The following SLC12A1 variants were observed in gnomAD, a reference collection of about 807,000 sequenced individuals.
SLC12A1 encodes solute carrier family 12 member 1, also known as Na-K-2Cl cotransporter.
A neutral mutation model predicts 130.4 loss-of-function variants in SLC12A1; 89 were observed. That is an observed-to-expected ratio of 0.68 (90% CI 0.58 to 0.81). The LOEUF (loss-of-function observed/expected upper bound fraction) is 0.81. Ranked by LOEUF, SLC12A1 falls within the 40% of genes least tolerant of loss-of-function variation. SLC12A1 has a pLI of 0.00. For missense variants in SLC12A1, 1,310 were observed against 1,336.4 expected (o/e 0.98, Z 0.31); for synonymous variants, 499 against 460.0 (o/e 1.08, Z -1.09).
In SLC12A1 at chr15:48,288,095, A is replaced by G. The variant is rs1168221076; in HGVS notation, c.2682A>G (p.Lys894=). ...TGCATGTGGGAGAGTTCAACCAGAA[A>G]CTGGTGGAAGCCAGCACTCAATTTA... ...QSMHVGEFNQ[K]LVEASTQFKK... The change falls in exon 22 of 27, where the codon AAA becomes AAG. Residue 894 remains lysine (K), a synonymous_variant. Transcript: ENST00000380993. 5 of 1,611,232 alleles carry G rather than the reference A, an allele frequency of 3.1e-6. No individual in the cohort carries two copies. The highest frequency in any genetic ancestry group is 4.2e-6 in the Non-Finnish European group (5 of 1,178,672).
intron 4 of SLC12A1, 32 bp downstream of exon 4, chr15:48,221,028 C>A: frequency 6.3e-7 from 1 of 1,578,702 alleles, no homozygotes; most frequent in Non-Finnish European, 8.7e-7. Context: ...AATAATTTTG[C>A]ATGTAAATCA....
rs536608578 is a variant in SLC12A1, at chr15:48,235,138, T to C, written c.1215+134T>C. 74 of 982,904 alleles carry C rather than the reference T, an allele frequency of 7.5e-5. No homozygotes were observed. The South Asian group carries it at 9.4e-4, about 13-fold the overall frequency. The allele number at this position is 982,904 out of a possible 1,614,324, so 60.9% of individuals were successfully genotyped here. A position where few individuals can be genotyped will look rare whatever the true frequency, so the allele number is the denominator to read the frequency against. The stretch of plus-strand genomic sequence containing the variant: ...TGTAGGTTTCTGCAAGATTTCCTGA[T>C]GATTTAAAAGTTCTCTCTTTTAATG... On this transcript the variant is annotated intron_variant, in intron 9 of 26. Transcript: ENST00000380993.
At chr15:48,214,519 T>C (rs1404925714) in intron 2 of SLC12A1, among the ~76,000 whole-genome samples, 5 of 152,186 alleles carry the variant, frequency 3.3e-5, no homozygotes, top group African/African-American at 9.6e-5. Context: ...ATTGTGACCA[T>C]TGGTAGTGAT....
intron 17 of SLC12A1, among the ~76,000 whole-genome samples, chr15:48,262,537 G>T (rs996289663): frequency 1.3e-5 from 2 of 152,038 alleles, no homozygotes; most frequent in East Asian, 1.9e-4. Context: ...AACACTCTCC[G>T]CAGGCCTCTT....
At chr15:48,219,394 A>G (rs954868121) in intron 2 of SLC12A1, among the ~76,000 whole-genome samples, 1 of 152,118 alleles carries the variant, frequency 6.6e-6, no homozygotes, top group Admixed American at 6.5e-5. Context: ...CGTCTCTACT[A>G]AAAATACAAA....
At chr15:48,226,826 T>C in intron 5 of SLC12A1, 1 of 587,324 alleles carries the variant, frequency 1.7e-6, no homozygotes. Context: ...AGGTAAACTT[T>C]TTCTTTTTCA....
chr15:48,210,015 A>G (rs1434525783), intron 2 of SLC12A1, among the ~76,000 whole-genome samples: 1 of 152,214 alleles, frequency 6.6e-6, no homozygotes, highest in South Asian at 2.1e-4. Flanking sequence ...GCCCCCATGA[A>G]GAATTTTGAG....
intron 7 of SLC12A1, among the ~76,000 whole-genome samples, 185 bp downstream of exon 7, chr15:48,230,688 G>C (rs569012412): frequency 9.2e-5 from 14 of 152,310 alleles, no homozygotes; most frequent in African/African-American, 3.4e-4. Flanking sequence ...CATGATTCAG[G>C]GCTCACGAGT....
intron 9 of SLC12A1, chr15:48,235,434 C>T (rs2041429113): frequency 4.1e-6 from 1 of 243,334 alleles, no homozygotes; most frequent in African/African-American, 2.3e-5. Context: ...CTGCAAAGAG[C>T]ATGGTATGAG....
At chr15:48,284,427 C>T (rs1475239470) in intron 20 of SLC12A1, among the ~76,000 whole-genome samples, 1 of 152,184 alleles carries the variant, frequency 6.6e-6, no homozygotes, top group Non-Finnish European at 1.5e-5. Flanking sequence ...ATCTGACCCA[C>T]TAGCTTAGGT....
rs373897965 is a variant in SLC12A1 at position 48,299,163 on chromosome 15, T to C, written c.2984T>C (p.Ile995Thr). The C allele has an allele frequency of 1.2e-6, 2 of 1,605,240 alleles. No individual in the cohort carries two copies. Among genetic ancestry groups the C allele is most frequent in the South Asian group, 1.1e-5 (1 of 88,294 alleles). Residue 995 changes from isoleucine (I) to threonine (T), a missense_variant, in exon 25 of 27, where the codon ATT becomes ACT. Transcript: ENST00000380993. ...AGCTGGAAAGTCTTTGAAGAGATGATTGAACCATATCGTCTCCATGAAAGC... is the reference window on the plus strand; with the variant it reads ...AGCTGGAAAGTCTTTGAAGAGATGACTGAACCATATCGTCTCCATGAAAGC... ...KESWKVFEEM[I>T]EPYRLHESCK... is the part of the protein sequence containing the mutation.
Position 48,274,616 on chromosome 15 carries a change from C to A in SLC12A1, c.2448C>A (p.Ser816Arg), listed in dbSNP as rs766044515. Reference protein sequence around the residue: ...FEIGVVIVRISQGFDISQVLQ... With the variant: ...FEIGVVIVRIRQGFDISQVLQ... ...TTGGCGTGGTTATAGTCAGAATCAG[C>A]CAAGGATTTGACATCTCTCAGGTTC... The change falls in exon 20 of 27, where the codon AGC becomes AGA. Residue 816 changes from serine to arginine, a missense_variant. Physicochemically the swap from Ser to Arg is moderately radical, Grantham distance 110 (BLOSUM62 -1). Transcript: ENST00000380993. 6.2e-7 allele frequency: 1 copy of A among 1,613,124 alleles called. No individual in the cohort carries two copies. The highest frequency in any genetic ancestry group is 1.7e-5 in the Admixed American group (1 of 60,008).
At chr15:48,288,539 G>T in intron 23 of SLC12A1, 23 bp downstream of exon 23, 1 of 1,086,658 alleles carries the variant, frequency 9.2e-7, no homozygotes, top group Non-Finnish European at 1.4e-6. Flanking sequence ...CCACTCACAT[G>T]TTAGGTCATT....
intron 23 of SLC12A1, among the ~76,000 whole-genome samples, chr15:48,290,993 C>G (rs943743801): frequency 2.0e-5 from 3 of 152,028 alleles, no homozygotes; most frequent in Non-Finnish European, 4.4e-5. Flanking sequence ...CTTGTTCTTA[C>G]GAACTGCTCA....
intron 9 of SLC12A1, 63 bp from the exon 10 acceptor site, chr15:48,241,452 C>A: frequency 7.8e-7 from 1 of 1,285,934 alleles, no homozygotes; most frequent in South Asian, 1.2e-5. Flanking sequence ...GAAAATAACT[C>A]CAAGTGATCT....
At chr15:48,229,047 C>T in intron 5 of SLC12A1, 142 bp from the exon 6 acceptor site, 2 of 877,280 alleles carry the variant, frequency 2.3e-6, no homozygotes. Flanking sequence ...CACTGGGTAA[C>T]ACAGGATTCC....
chr15:48,278,999 T>G (rs1371565526), intron 20 of SLC12A1, among the ~76,000 whole-genome samples: 1 of 152,236 alleles, frequency 6.6e-6, no homozygotes, highest in Non-Finnish European at 1.5e-5. Context: ...TTGAAATATT[T>G]CTGCTTCTTA....
At position 48,266,715 on chromosome 15, in the gene SLC12A1, C is replaced by T. The variant is rs114216325; in HGVS notation, c.2155-846C>T. ...AATTTCCTGGGAAAATGGATTTGTA[C>T]CCTGTCAGACATATGGCAGATAATC... On this transcript the variant is annotated intron_variant, in intron 17 of 26. Transcript: ENST00000380993. Among the ~76,000 whole-genome samples, 734 of 152,232 alleles carry T rather than the reference C, an allele frequency of 4.8e-3. 9 individuals are homozygous for T. The highest frequency in any genetic ancestry group is 0.044 in the Middle Eastern group (13 of 294).
chr15:48,216,234 T>C (rs28707620), intron 2 of SLC12A1, among the ~76,000 whole-genome samples: 2,191 of 152,322 alleles, frequency 0.014, 51 homozygotes, highest in African/African-American at 0.051. Flanking sequence ...CATCCTCTCA[T>C]AGAATATTCT....
Sources: gnomAD v4.1 joint callset for allele counts (sites outside exome capture counted in the v4.1 genomes callset) on GRCh38, gnomAD v4.1.1 for gene constraint, MANE v1.5 for transcripts, NCBI Gene and HGNC (gene_info 2026-07-23, HGNC 2026-07-21) for gene names.